Variants in COA8 observed in about 807,000 individuals in gnomAD.
COA8 encodes UPF0671 protein C14orf153.
A neutral mutation model predicts 22.0 loss-of-function variants in COA8; 20 were observed. The observed-to-expected ratio is 0.91, with a 90% CI of 0.64 to 1.32. The LOEUF (loss-of-function observed/expected upper bound fraction) is 1.32, where lower values mean the gene tolerates loss of function less well. Among genes scored for constraint, COA8 ranks in the 40% most tolerant of loss-of-function variants. The pLI is 0.00. For missense variants in COA8, 266 were observed against 230.0 expected (o/e 1.16, Z -1.01); for synonymous variants, 105 against 79.9 (o/e 1.31, Z -1.68).
intron 3 of COA8, among the ~76,000 whole-genome samples, chr14:103,580,373 G>C (rs778174518): frequency 6.6e-6 from 1 of 150,824 alleles, no homozygotes; most frequent in Non-Finnish European, 1.5e-5. Context: ...CAGTGGTGCA[G>C]TCTCTGCTCA....
chr14:103,573,131 G>A (rs1485671659), intron 2 of COA8, among the ~76,000 whole-genome samples: 1 of 151,930 alleles, frequency 6.6e-6, no homozygotes, highest in Non-Finnish European at 1.5e-5. Context: ...GTGTAAGAAA[G>A]AAGTATAAAT....
chr14:103,588,146 T>G (rs1005721773), intron 4 of COA8: 31 of 320,724 alleles, frequency 9.7e-5, no homozygotes, highest in African/African-American at 5.6e-4. Flanking sequence ...AAAAACGGGT[T>G]TTAGCTGGTT....
chr14:103,565,251 T>G (rs1227158334), intron 1 of COA8, among the ~76,000 whole-genome samples: 1 of 152,184 alleles, frequency 6.6e-6, no homozygotes, highest in Non-Finnish European at 1.5e-5. Flanking sequence ...TGAGCCACCA[T>G]GCCCAGCCAG....
chr14:103,589,682 G>A (rs2076335740), intron 4 of COA8, among the ~76,000 whole-genome samples: 1 of 152,028 alleles, frequency 6.6e-6, no homozygotes, highest in Non-Finnish European at 1.5e-5. Context: ...TTGGGAGGTT[G>A]AGGCAGGTGG....
intron 3 of COA8, among the ~76,000 whole-genome samples, chr14:103,578,134 C>T (rs1029600962): frequency 9.9e-5 from 15 of 151,506 alleles, no homozygotes; most frequent in African/African-American, 2.7e-4. Context: ...GTGGAGGCTG[C>T]AGTGAGCCGA....
intron 3 of COA8, among the ~76,000 whole-genome samples, chr14:103,582,738 T>TTTTTTC: frequency 4.4e-5 from 1 of 22,520 alleles, no homozygotes; most frequent in South Asian, 5.9e-4. Context: ...TCACCCTGCC[T>TTTTTTC]TTTTTTTTTT....
chr14:103,583,235 A>G (rs1450747463), intron 3 of COA8, among the ~76,000 whole-genome samples: 2 of 152,250 alleles, frequency 1.3e-5, no homozygotes, highest in East Asian at 3.9e-4. Flanking sequence ...CTACAGGTGA[A>G]CTGCTGAGTT....
In COA8 at chr14:103,581,082, G is replaced by A. The variant is rs1334545031; in HGVS notation, c.386-6192G>A. On this transcript the variant is annotated intron_variant, in intron 3 of 4. Transcript: ENST00000409074. This position sits in a 1 kb window ranked among gnomAD's most constrained non-coding sequence, Gnocchi z 4.1. ...CCCAAAGTCCTGGGATTACAGGCGT[G>A]AGCCACCGCGCCCAGCCTGTTACAC... Among the ~76,000 whole-genome samples, 3 of 152,142 alleles carry A rather than the reference G, an allele frequency of 2.0e-5. No homozygotes were observed. Among genetic ancestry groups the A allele is most frequent in the African/African-American group, 4.8e-5 (2 of 41,432 alleles).
At chr14:103,574,975 A>G (rs2076219790) in intron 3 of COA8, among the ~76,000 whole-genome samples, 1 of 152,244 alleles carries the variant, frequency 6.6e-6, no homozygotes, top group African/African-American at 2.4e-5. Flanking sequence ...CATTTTATAG[A>G]TGAGCAACCT....
rs1284460377 is a variant in COA8 at position 103,581,790 on chromosome 14, C to T, written c.386-5484C>T. On this transcript the variant is annotated intron_variant, in intron 3 of 4. Coordinates refer to ENST00000409074, the MANE Select transcript of COA8 (RefSeq NM_001370595.2). The surrounding 1 kb of genome is among the most constrained non-coding windows in gnomAD (Gnocchi z 4.1). ...TCATTCCGGTGGCACTAGACCTGCC[C>T]GGGCGGCCAGAGGACACGTGGCTCC... 2 of 393,492 alleles carry T rather than the reference C, an allele frequency of 5.1e-6. No homozygotes were observed. The highest frequency in any genetic ancestry group is 9.0e-6 in the Non-Finnish European group (2 of 223,422). 24.4% of individuals were successfully genotyped at this position (393,492 alleles called of 1,614,324 possible). A position where few individuals can be genotyped will look rare whatever the true frequency, so the allele number is the denominator to read the frequency against.
At chr14:103,565,086 G>C (rs2076126414) in intron 1 of COA8, among the ~76,000 whole-genome samples, 1 of 152,014 alleles carries the variant, frequency 6.6e-6, no homozygotes, top group Non-Finnish European at 1.5e-5. Context: ...CCTGAGTATA[G>C]CTGGGATCAC....
chr14:103,586,572 A>G (rs1332733567), intron 3 of COA8, among the ~76,000 whole-genome samples: 1 of 149,996 alleles, frequency 6.7e-6, no homozygotes, highest in African/African-American at 2.5e-5. Flanking sequence ...CTATCTCTTG[A>G]TCTTCTGATC....
At chr14:103,587,577 G>A (rs2076318601) in intron 4 of COA8, among the ~76,000 whole-genome samples, 1 of 139,628 alleles carries the variant, frequency 7.2e-6, no homozygotes, top group African/African-American at 2.7e-5. Context: ...GCGCCATCTT[G>A]GCTCACTGCA....
At chr14:103,575,629 GAAC>G (rs1411920335) in intron 3 of COA8, among the ~76,000 whole-genome samples, 6 of 152,208 alleles carry the variant, frequency 3.9e-5, no homozygotes, top group Non-Finnish European at 8.8e-5. Context: ...TGGCCCAAAA[GAAC>G]AAATTTAGAT....
intron 1 of COA8, 129 bp from the exon 2 acceptor site, chr14:103,571,494 C>T (rs112500449): frequency 2.7e-5 from 24 of 899,736 alleles, no homozygotes; most frequent in African/African-American, 2.0e-4. Flanking sequence ...GCTGAGATCA[C>T]GCCACTACAC....
At chr14:103,586,322 C>T (rs1027270749) in intron 3 of COA8, among the ~76,000 whole-genome samples, 2 of 151,198 alleles carry the variant, frequency 1.3e-5, no homozygotes, top group Admixed American at 6.6e-5. Context: ...ACCCTCCTTC[C>T]CCGGCCTCTT....
intron 1 of COA8, among the ~76,000 whole-genome samples, chr14:103,565,804 C>T (rs910999213): frequency 8.6e-5 from 13 of 151,576 alleles, no homozygotes; most frequent in Admixed American, 7.2e-4. Context: ...TTTGTAGAGA[C>T]GGGTTTCACC....
chr14:103,576,610 G>A (rs960989607), intron 3 of COA8, among the ~76,000 whole-genome samples: 10 of 152,192 alleles, frequency 6.6e-5, no homozygotes, highest in African/African-American at 2.4e-4. Context: ...GCTAGGACCA[G>A]AGCAATTTCT....
chr14:103,574,078 C>CTT lies in COA8; in HGVS notation c.322-5_322-4dup, dbSNP rs11337243. The CTT allele has an allele frequency of 0.091, 88,284 of 971,308 alleles. 1,969 individuals are homozygous for CTT. Among genetic ancestry groups the CTT allele is most frequent in the African/African-American group, 0.14 (5,825 of 42,104 alleles). 60.2% of individuals were successfully genotyped at this position (971,308 alleles called of 1,614,324 possible). On this transcript the variant is annotated intron_variant, in intron 2 of 4. Coordinates refer to ENST00000409074, the MANE Select transcript of COA8 (RefSeq NM_001370595.2). The stretch of plus-strand genomic sequence containing the variant: ...AGACAGAGAAAGGAGTTCTGAGAGC[C>CTT]TTTTTTTTTTTTTTTTTTTTTTTTT...
Sources: allele counts gnomAD v4.1 joint callset (sites outside exome capture counted in the v4.1 genomes callset), GRCh38; gene constraint gnomAD v4.1.1; non-coding constraint Gnocchi (gnomAD v3.1); transcripts MANE v1.5; gene names NCBI Gene and HGNC (gene_info 2026-07-23, HGNC 2026-07-21).